Variants in GLIS3 observed in about 807,000 individuals in gnomAD.
GLIS3 encodes the protein zinc finger protein GLIS3.
Under a neutral mutation model 78.6 loss-of-function variants are expected in GLIS3, and 53 were observed. The observed-to-expected ratio is 0.67, with a 90% CI of 0.54 to 0.85. The LOEUF (loss-of-function observed/expected upper bound fraction) is 0.85. Among genes scored for constraint, GLIS3 ranks in the 40% least tolerant of loss-of-function variants. The pLI is 0.00. For missense variants in GLIS3, 1,703 were observed against 1,231.1 expected (o/e 1.38, Z -5.74); for synonymous variants, 684 against 509.9 (o/e 1.34, Z -4.60).
intron 4 of GLIS3, among the ~76,000 whole-genome samples, chr9:4,021,410 G>T (rs912727124): frequency 1.3e-5 from 2 of 152,092 alleles, no homozygotes; most frequent in African/African-American, 4.8e-5. Context: ...CTAATGTTTA[G>T]TTTAATAAGT....
chr9:4,059,829 T>TGTGTGTGTGTGAGAGAGAGAGAGAGA, intron 4 of GLIS3, among the ~76,000 whole-genome samples: 1 of 100,708 alleles, frequency 9.9e-6, no homozygotes, highest in East Asian at 3.3e-4. Context: ...TGTGTGTGTG[T>TGTGTGTGTGTGAGAGAGAGAGAGAGA]GAGAGAGAGA....
chr9:4,386,183 TCTAATCACC>T, the GLIS3 span, among the ~76,000 whole-genome samples: 59 of 152,290 alleles, frequency 3.9e-4, no homozygotes, highest in African/African-American at 8.7e-4. Context: ...CAGAATCTCC[TCTAATCACC>T]CTAATCACCC....
chr9:4,457,950 C>A, the GLIS3 span, among the ~76,000 whole-genome samples: 1 of 152,012 alleles, frequency 6.6e-6, no homozygotes, highest in Admixed American at 6.6e-5. Context: ...TGTAGATGAC[C>A]TTTGTGTACT....
intron 8 of GLIS3, among the ~76,000 whole-genome samples, chr9:3,876,646 GAGAGAGAGAGAA>G (rs1394022871): frequency 1.2e-5 from 1 of 82,776 alleles, no homozygotes; most frequent in African/African-American, 5.0e-5. Context: ...GAGAGAGAGA[GAGAGAGAGAGAA>G]AGAGAGAGAG....
At chr9:4,410,591 A>G in the GLIS3 span, among the ~76,000 whole-genome samples, 1 of 152,336 alleles carries the variant, frequency 6.6e-6, no homozygotes, top group East Asian at 1.9e-4. Context: ...ATTTGCTTTG[A>G]TCCAGCACAA....
At chr9:4,088,633 G>A (rs1259289361) in intron 4 of GLIS3, among the ~76,000 whole-genome samples, 1 of 152,192 alleles carries the variant, frequency 6.6e-6, no homozygotes, top group Non-Finnish European at 1.5e-5. Flanking sequence ...TATTTACTGA[G>A]CACCAACTAT....
intron 8 of GLIS3, among the ~76,000 whole-genome samples, chr9:3,863,016 A>G (rs930151649): frequency 1.3e-5 from 2 of 152,152 alleles, no homozygotes; most frequent in Non-Finnish European, 2.9e-5. Flanking sequence ...CAGTTGGCCA[A>G]CTGCAGAGGG....
chr9:4,357,708 T>C, the GLIS3 span, among the ~76,000 whole-genome samples: 2 of 152,192 alleles, frequency 1.3e-5, no homozygotes, highest in South Asian at 2.1e-4. Context: ...AAAATTTACA[T>C]TGAGCATAAG....
chr9:3,861,852 T>C (rs1588108542), intron 8 of GLIS3, among the ~76,000 whole-genome samples: 2 of 152,128 alleles, frequency 1.3e-5, no homozygotes, highest in African/African-American at 4.8e-5. Flanking sequence ...ACTTAGGTGA[T>C]GGGTTGATAG....
At chr9:4,337,593 G>T (rs1262455717) in intron 2 of GLIS3, among the ~76,000 whole-genome samples, 1 of 151,966 alleles carries the variant, frequency 6.6e-6, no homozygotes, top group Non-Finnish European at 1.5e-5. Context: ...GCTCCTTCCG[G>T]TCATTTTTTC....
At chr9:4,185,388 G>A (rs1246630703) in intron 2 of GLIS3, among the ~76,000 whole-genome samples, 5 of 152,052 alleles carry the variant, frequency 3.3e-5, no homozygotes, top group African/African-American at 7.2e-5. Flanking sequence ...TCTATTTTGG[G>A]CTATTATAAA....
chr9:4,322,610 G>A (rs1403880121), intron 2 of GLIS3, among the ~76,000 whole-genome samples: 1 of 152,104 alleles, frequency 6.6e-6, no homozygotes, highest in South Asian at 2.1e-4. Context: ...ATTCTAACAG[G>A]TGTGAGATGG....
chr9:3,985,362 G>T (rs1320039868), intron 4 of GLIS3, among the ~76,000 whole-genome samples: 3 of 152,148 alleles, frequency 2.0e-5, no homozygotes, highest in African/African-American at 4.8e-5. Context: ...TGCCCAGGCT[G>T]GTCTCAAACT....
At chr9:4,137,891 C>T (rs1180845350) in intron 2 of GLIS3, among the ~76,000 whole-genome samples, 1 of 152,178 alleles carries the variant, frequency 6.6e-6, no homozygotes, top group African/African-American at 2.4e-5. Flanking sequence ...ACTGCTTCTC[C>T]CTCGACAAAT....
intron 4 of GLIS3, among the ~76,000 whole-genome samples, chr9:4,082,552 A>G (rs541201796): frequency 6.6e-6 from 1 of 152,344 alleles, no homozygotes; most frequent in South Asian, 2.1e-4. Flanking sequence ...AGCTGCAGGC[A>G]TGCTTCTCAT....
the GLIS3 span, among the ~76,000 whole-genome samples, chr9:4,376,602 T>A: frequency 1.9e-3 from 261 of 134,910 alleles, 56 homozygotes; most frequent in Non-Finnish European, 3.5e-3. Context: ...GTTGGTTCCG[T>A]CCTAATATGC....
At chr9:4,149,273 C>G (rs1834481655) in intron 2 of GLIS3, among the ~76,000 whole-genome samples, 1 of 152,204 alleles carries the variant, frequency 6.6e-6, no homozygotes, top group Non-Finnish European at 1.5e-5. Flanking sequence ...CCACAACAAC[C>G]TTGATTATTA....
chr9:4,050,285 A>G (rs1222463884), intron 4 of GLIS3, among the ~76,000 whole-genome samples: 6 of 152,230 alleles, frequency 3.9e-5, no homozygotes, highest in Non-Finnish European at 8.8e-5. Context: ...GGGTGAGTTC[A>G]TGTCCTTTGC....
chr9:4,054,534 A>G lies in GLIS3; in HGVS notation c.1710+63234T>C, dbSNP rs1366320568. The G allele has an allele frequency of 5.1e-6, 5 of 979,676 alleles. No homozygotes were observed. In the East Asian group the frequency reaches 4.5e-4, roughly 89 times the overall value. The allele number at this position is 979,676 out of a possible 1,614,324, so 60.7% of individuals were successfully genotyped here. On this transcript the variant is annotated intron_variant, in intron 4 of 10. Coordinates refer to ENST00000381971, the MANE Select transcript of GLIS3 (RefSeq NM_001042413.2). Reference sequence around the variant, plus strand: ...GCAGTCTACAGAGAAGGAGGCAAACACAGATCTGATCAGTGCGGAGCAGGT... The same window carrying G: ...GCAGTCTACAGAGAAGGAGGCAAACGCAGATCTGATCAGTGCGGAGCAGGT...
Sources: gnomAD v4.1 joint callset for allele counts (sites outside exome capture counted in the v4.1 genomes callset) on GRCh38, gnomAD v4.1.1 for gene constraint, MANE v1.5 for transcripts, NCBI Gene and HGNC (gene_info 2026-07-23, HGNC 2026-07-21) for gene names.